The following KRT26 variants were observed in gnomAD, a reference collection of about 807,000 sequenced individuals.
The protein encoded by KRT26 is keratin, type I cytoskeletal 26.
In KRT26, 45 loss-of-function variants were observed where a neutral mutation model predicts 46.1. The observed-to-expected ratio is 0.98, with a 90% CI of 0.77 to 1.25. KRT26 has a LOEUF of 1.25. Ranked by LOEUF, KRT26 falls within the 50% of genes most tolerant of loss-of-function variation. The probability of loss-of-function intolerance (pLI) is 0.00; values close to 1 mark genes in which losing one functional copy is unlikely to be tolerated. For missense variants in KRT26, 582 were observed against 560.1 expected, an observed-to-expected ratio of 1.04 and a Z score of -0.39; for synonymous variants, 191 against 209.9, an observed-to-expected ratio of 0.91 and a Z score of 0.78.
At chr17:40,766,729 A>C in intron 7 of KRT26, 63 bp from the exon 8 acceptor site, 2 of 1,213,534 alleles carry the variant, frequency 1.6e-6, no homozygotes, top group Non-Finnish European at 2.4e-6. Context: ...TAGCCATAAT[A>C]GGTATGCTTT....
exon 8 of KRT26, chr17:40,766,466 T>TTC (rs35253595): frequency 2.0e-5 from 28 of 1,372,986 alleles, no homozygotes; most frequent in South Asian, 3.0e-5. Flanking sequence ...CTTTCTTTCT[T>TTC]TCTCTCTCTC....
rs768315828 is a variant in KRT26, at chr17:40,771,978, T to C, written c.136A>G (p.Thr46Ala). The C allele has an allele frequency of 2.4e-5, 39 of 1,613,718 alleles. 1 individual carries two copies. The highest frequency in any genetic ancestry group is 3.3e-4 in the Middle Eastern group (2 of 6,062). ...CCTCCAGAAGAGATGCCCTCAAGAG[T>C]ACAAGAAAAGCTGCTTCTTGCTCCC... Residue 46 changes from threonine (T) to alanine (A), a missense_variant, in exon 1 of 8, where the codon ACT (threonine) becomes GCT (alanine). By Grantham distance (58) the Thr-to-Ala change is moderately conservative. Transcript: ENST00000335552.
chr17:40,769,765 G>A (rs748409457), exon 5 of KRT26: 10 of 1,614,138 alleles, frequency 6.2e-6, no homozygotes, highest in East Asian at 2.2e-5. Context: ...ACAGCCATGA[G>A]GGACTGAAGT....
intron 7 of KRT26, among the ~76,000 whole-genome samples, 199 bp from the exon 8 acceptor site, chr17:40,766,865 G>A (rs530297584): frequency 4.0e-5 from 6 of 151,874 alleles, no homozygotes; most frequent in African/African-American, 1.2e-4. Context: ...TCAGTCTCCC[G>A]AGTAGCTGGG....
chr17:40,771,691 T>C, exon 1 of KRT26: 1 of 1,613,186 alleles, frequency 6.2e-7, no homozygotes, highest in Non-Finnish European at 8.5e-7. Context: ...TAAGATCTTC[T>C]ATGACTGAGA....
At chr17:40,770,330 G>A (rs745609975) in exon 3 of KRT26, 1 of 1,614,092 alleles carries the variant, frequency 6.2e-7, no homozygotes, top group South Asian at 1.1e-5. Flanking sequence ...GTTGTACAAA[G>A]GGTCAGTTCA....
chr17:40,766,525 T>A, exon 8 of KRT26: 1 of 1,607,182 alleles, frequency 6.2e-7, no homozygotes, highest in Non-Finnish European at 8.5e-7. Flanking sequence ...TTATGGTGCT[T>A]TAGAAGGTAC....
Position 40,768,804 on chromosome 17 carries a change from A to T in KRT26, c.1187+75T>A. ...CCAGAGTAGGAAATTCTAGGATGCA[A>T]TATTGGCATACCTATACTGTGGGAA... On this transcript the variant is annotated intron_variant, in intron 6 of 7. Transcript: ENST00000335552. The T allele has an allele frequency of 4.1e-6, 3 of 733,252 alleles. No homozygotes were observed. In the Admixed American group the frequency reaches 9.4e-5, roughly 23 times the overall value. The allele number at this position is 733,252 out of a possible 1,614,324, so 45.4% of individuals were successfully genotyped here. A position where few individuals can be genotyped will look rare whatever the true frequency, so the allele number is the denominator to read the frequency against.
Position 40,766,726 on chromosome 17 carries a change from A to G in KRT26, c.1256-60T>C, listed in dbSNP as rs981176739. 6 of 1,233,670 alleles carry G rather than the reference A, an allele frequency of 4.9e-6. No individual in the cohort carries two copies. The African/African-American group carries it at 9.0e-5, about 19-fold the overall frequency. 76.4% of individuals were successfully genotyped at this position (1,233,670 alleles called of 1,614,324 possible). On this transcript the variant is annotated intron_variant, in intron 7 of 7. Coordinates refer to ENST00000335552, the Ensembl canonical transcript of KRT26. ...TTTTAACAGGTTGAAAAGTAGCCAT[A>G]ATAGGTATGCTTTTTGTTTGTTTGT...
chr17:40,771,813 C>G (rs767363074), exon 1 of KRT26: 1 of 1,614,184 alleles, frequency 6.2e-7, no homozygotes, highest in Non-Finnish European at 8.5e-7. Flanking sequence ...AGAGCATGCA[C>G]ATGGTCCAGG....
chr17:40,766,467 TC>T, exon 8 of KRT26: 2 of 435,424 alleles, frequency 4.6e-6, no homozygotes, highest in African/African-American at 2.2e-5. Context: ...TTTCTTTCTT[TC>T]TCTCTCTCTC....
chr17:40,770,443 T>C (rs2144147418), intron 2 of KRT26, 34 bp from the exon 3 acceptor site: 4 of 1,544,014 alleles, frequency 2.6e-6, no homozygotes, highest in African/African-American at 1.4e-5. Flanking sequence ...AGAGTTGTCA[T>C]CGTAGGCAGG....
exon 3 of KRT26, chr17:40,770,391 A>G (rs764671039): frequency 3.8e-6 from 6 of 1,594,700 alleles, no homozygotes; most frequent in South Asian, 3.4e-5. Context: ...TGTGGTGCAG[A>G]GCCAGCTCAT....
chr17:40,770,054 C>T (rs1391373536), exon 4 of KRT26: 1 of 1,614,136 alleles, frequency 6.2e-7, no homozygotes, highest in South Asian at 1.1e-5. Flanking sequence ...CAGTTAGGTC[C>T]ACTCCTGGGG....
exon 2 of KRT26, chr17:40,771,232 A>G: frequency 1.3e-6 from 2 of 1,575,788 alleles, no homozygotes; most frequent in Non-Finnish European, 1.7e-6. Flanking sequence ...GGTCGCAGAA[A>G]TAATCTAAAT....
At chr17:40,766,567 G>C in exon 8 of KRT26, 2 of 1,613,580 alleles carry the variant, frequency 1.2e-6, no homozygotes, top group Non-Finnish European at 1.7e-6. Flanking sequence ...GCTTATTTTA[G>C]AGGACTTTTC....
rs2038175876 is a variant in KRT26 at position 40,766,754 on chromosome 17, T to C, written c.1256-88A>G. 3 of 960,042 alleles carry C rather than the reference T, an allele frequency of 3.1e-6. No homozygotes were observed. The South Asian group carries it at 4.7e-5, about 15-fold the overall frequency. 59.5% of individuals were successfully genotyped at this position (960,042 alleles called of 1,614,324 possible). On this transcript the variant is annotated intron_variant, in intron 7 of 7. Transcript: ENST00000335552. The stretch of plus-strand genomic sequence containing the variant: ...AGGTATGCTTTTTGTTTGTTTGTTT[T>C]TTTGAGAAGGAGTCTCGCTCTGTCA...
At position 40,768,934 on chromosome 17, in the gene KRT26, T is replaced by C. The variant is rs749537323; in HGVS notation, c.1132A>G (p.Ile378Val). The change falls in exon 6 of 8, where the codon ATA (isoleucine) becomes GTA (valine). Residue 378 changes from isoleucine to valine, a missense_variant. Physicochemically the swap from Ile to Val is conservative, Grantham distance 29. Transcript: ENST00000335552. ...ATGTCAATTTCTTTTTCTAAAAATA[T>C]TTTTACATCAAGAAGCTGTTCATAC... The C allele has an allele frequency of 7.4e-6, 12 of 1,612,054 alleles. No homozygotes were observed. Among genetic ancestry groups the C allele is most frequent in the African/African-American group, 1.3e-5 (1 of 74,960 alleles).
exon 3 of KRT26, chr17:40,770,382 G>C: frequency 6.2e-7 from 1 of 1,607,982 alleles, no homozygotes; most frequent in South Asian, 1.1e-5. Flanking sequence ...CCTCAACACT[G>C]TGGTGCAGAG....
Sources: allele counts gnomAD v4.1 joint callset (sites outside exome capture counted in the v4.1 genomes callset), GRCh38; gene constraint gnomAD v4.1.1; transcripts MANE v1.5; gene names NCBI Gene and HGNC (gene_info 2026-07-23, HGNC 2026-07-21).